TAFA1: variants seen among roughly 807,000 people sequenced by gnomAD.
The protein encoded by TAFA1 is chemokine-like protein TAFA-1.
A neutral mutation model predicts 18.5 loss-of-function variants in TAFA1; 4 were observed. The ratio of observed to expected loss-of-function variants is 0.22; its 90% CI spans 0.11 to 0.49. The LOEUF is 0.49. Ranked by LOEUF, TAFA1 falls within the 20% of genes least tolerant of loss-of-function variation. The pLI is 0.98. For synonymous variants in TAFA1, 56 were observed against 55.2 expected, an observed-to-expected ratio of 1.01 and a Z score of -0.06; for missense variants, 147 against 169.0, an observed-to-expected ratio of 0.87 and a Z score of 0.72.
intron 2 of TAFA1, among the ~76,000 whole-genome samples, chr3:68,212,832 T>C (rs937960366): frequency 6.6e-6 from 1 of 152,004 alleles, no homozygotes; most frequent in Non-Finnish European, 1.5e-5. Flanking sequence ...CCATGTGCGA[T>C]CTTTACTTGG....
At chr3:68,332,157 C>T (rs1027172239) in intron 2 of TAFA1, among the ~76,000 whole-genome samples, 6 of 151,528 alleles carry the variant, frequency 4.0e-5, no homozygotes, top group African/African-American at 1.5e-4. Context: ...GCCACCGCGC[C>T]CGGCCAAGGA....
chr3:68,165,938 G>C (rs1325448263), intron 2 of TAFA1, among the ~76,000 whole-genome samples: 3 of 152,176 alleles, frequency 2.0e-5, no homozygotes, highest in Non-Finnish European at 4.4e-5. Context: ...TATTTTAAAT[G>C]GTCATGGAGG....
intron 2 of TAFA1, among the ~76,000 whole-genome samples, chr3:68,062,773 A>G (rs2064620892): frequency 6.6e-6 from 1 of 152,228 alleles, no homozygotes; most frequent in Non-Finnish European, 1.5e-5. Flanking sequence ...GGCTTGGTTA[A>G]GAGATAACCA....
chr3:68,178,598 A>C (rs1291563501), intron 2 of TAFA1, among the ~76,000 whole-genome samples: 2 of 152,238 alleles, frequency 1.3e-5, no homozygotes, highest in African/African-American at 2.4e-5. Flanking sequence ...AAAAAAGCTC[A>C]GGAAAGATAC....
At chr3:68,213,336 C>T (rs920227364) in intron 2 of TAFA1, among the ~76,000 whole-genome samples, 8 of 152,092 alleles carry the variant, frequency 5.3e-5, no homozygotes, top group African/African-American at 1.9e-4. Flanking sequence ...TTCAAGTTGT[C>T]ACTTCTGGAA....
At chr3:68,058,133 T>C (rs1463863216) in intron 2 of TAFA1, among the ~76,000 whole-genome samples, 3 of 152,210 alleles carry the variant, frequency 2.0e-5, no homozygotes, top group Non-Finnish European at 4.4e-5. Context: ...GCTGGAACTA[T>C]AGTATAGATG....
chr3:68,256,864 A>G (rs1559581603), intron 2 of TAFA1, among the ~76,000 whole-genome samples: 1 of 152,124 alleles, frequency 6.6e-6, no homozygotes. Flanking sequence ...TATGAGCCAC[A>G]ATAGTCACAT....
chr3:68,134,187 G>A (rs1242439890), intron 2 of TAFA1, among the ~76,000 whole-genome samples: 1 of 152,078 alleles, frequency 6.6e-6, no homozygotes, highest in East Asian at 1.9e-4. Context: ...TATGCAAAGT[G>A]GGCACAAGAG....
intron 2 of TAFA1, among the ~76,000 whole-genome samples, chr3:68,302,551 T>A (rs1356483558): frequency 6.6e-6 from 1 of 152,200 alleles, no homozygotes. Context: ...CTTTCTTTTT[T>A]TTTTTAATTT....
chr3:68,259,491 G>C (rs983937029), intron 2 of TAFA1, among the ~76,000 whole-genome samples: 7 of 152,166 alleles, frequency 4.6e-5, no homozygotes, highest in Non-Finnish European at 7.3e-5. Context: ...TTGGTAGCTT[G>C]ATGGGGATGG....
chr3:68,136,133 A>G (rs1451533257), intron 2 of TAFA1, among the ~76,000 whole-genome samples: 3 of 152,150 alleles, frequency 2.0e-5, no homozygotes, highest in Admixed American at 1.3e-4. Context: ...TCTGATTTTG[A>G]CTGATAGCCT....
chr3:68,180,689 T>C (rs2066187283), intron 2 of TAFA1, among the ~76,000 whole-genome samples: 1 of 152,168 alleles, frequency 6.6e-6, no homozygotes, highest in Admixed American at 6.5e-5. Context: ...GTTTCAGTCA[T>C]TTACAATTCT....
At chr3:68,072,535 G>A (rs1044784134) in intron 2 of TAFA1, among the ~76,000 whole-genome samples, 5 of 152,140 alleles carry the variant, frequency 3.3e-5, no homozygotes, top group Non-Finnish European at 7.4e-5. Context: ...GTGACAGATG[G>A]GGAAGAGATA....
At chr3:68,388,110 C>T (rs1182015285) in intron 2 of TAFA1, among the ~76,000 whole-genome samples, 1 of 152,054 alleles carries the variant, frequency 6.6e-6, no homozygotes, top group East Asian at 1.9e-4. Context: ...ACGTAAAATT[C>T]CTCTTGTTTT....
intron 2 of TAFA1, among the ~76,000 whole-genome samples, chr3:68,043,674 A>AT (rs1705212687): frequency 6.6e-6 from 1 of 151,910 alleles, no homozygotes; most frequent in Admixed American, 6.6e-5. Flanking sequence ...GGATTTAAAC[A>AT]TTTTTTCTCT....
the TAFA1 span, among the ~76,000 whole-genome samples, chr3:67,998,836 C>A: frequency 6.6e-6 from 1 of 152,126 alleles, no homozygotes; most frequent in Non-Finnish European, 1.5e-5. Flanking sequence ...GGCTATCAAC[C>A]CATAGGAAAC....
At chr3:68,125,532 C>T (rs533976665) in intron 2 of TAFA1, among the ~76,000 whole-genome samples, 3 of 152,302 alleles carry the variant, frequency 2.0e-5, no homozygotes, top group Admixed American at 2.0e-4. Context: ...ACAGCCCCTG[C>T]CTGGGGCCAT....
chr3:68,229,824 C>G (rs1226193479), intron 2 of TAFA1, among the ~76,000 whole-genome samples: 1 of 152,150 alleles, frequency 6.6e-6, no homozygotes, highest in Admixed American at 6.5e-5. Flanking sequence ...CCTTAAGGCT[C>G]AGTTTCTTCA....
At chr3:68,216,808 C>T (rs987548504) in intron 2 of TAFA1, among the ~76,000 whole-genome samples, 4 of 152,188 alleles carry the variant, frequency 2.6e-5, no homozygotes, top group African/African-American at 9.6e-5. Flanking sequence ...AACTGAAGAG[C>T]TCCCAAGAGC....
Sources: gnomAD v4.1 joint callset for allele counts (sites outside exome capture counted in the v4.1 genomes callset) on GRCh38, gnomAD v4.1.1 for gene constraint, MANE v1.5 for transcripts, NCBI Gene and HGNC (gene_info 2026-07-23, HGNC 2026-07-21) for gene names.